The following CLK4 variants were observed in gnomAD, a reference collection of about 807,000 sequenced individuals.
CLK4 encodes the protein CDC like kinase 4, also known as dual specificity protein kinase CLK4.
CLK4 carries 37 observed loss-of-function variants against 64.4 expected under a neutral mutation model. The observed-to-expected ratio is 0.57, with a 90% CI of 0.44 to 0.76. CLK4 has a LOEUF of 0.76. CLK4 is among the 30% of genes least tolerant of loss of function. The pLI, the probability that CLK4 is intolerant of heterozygous loss-of-function variation, is 0.00. For missense variants in CLK4, 457 were observed against 605.1 expected, an observed-to-expected ratio of 0.76 and a Z score of 2.57; for synonymous variants, 175 against 191.6, an observed-to-expected ratio of 0.91 and a Z score of 0.72.
At chr5:178,618,466 A>G in intron 3 of CLK4, 90 bp downstream of exon 3, 1 of 383,924 alleles carries the variant, frequency 2.6e-6, no homozygotes, top group Non-Finnish European at 4.3e-6. Context: ...TATTTTATAT[A>G]TATATATATA....
chr5:178,605,683 T>A (rs1764457421), intron 10 of CLK4: 2 of 201,220 alleles, frequency 9.9e-6, no homozygotes, highest in Admixed American at 1.2e-4. Flanking sequence ...AACATGAATT[T>A]CAAAAAGGTT....
rs1428724643 is a variant in CLK4 at position 178,603,386 on chromosome 5, T to C, written c.*231A>G. On this transcript the variant is annotated 3_prime_UTR_variant, in exon 13 of 13. Transcript: ENST00000316308. ...GACACAAAGGATATTTCAAAGGTAT[T>C]TAAAAATGGTAATTTCAAAAAGAAA... The C allele has an allele frequency of 3.5e-6, 1 of 288,800 alleles. No homozygotes were observed. The highest frequency in any genetic ancestry group is 6.3e-6 in the Non-Finnish European group (1 of 157,898). 17.9% of individuals were successfully genotyped at this position (288,800 alleles called of 1,614,324 possible).
In CLK4 at chr5:178,612,900, A is replaced by G; in HGVS notation, c.827-10T>C. ...TTATTATGATGTAAAACTACAAGAG[A>G]ACAAAAGCACATTATTAGTTTCACT... On this transcript the variant is annotated splice_polypyrimidine_tract_variant and intron_variant, in intron 7 of 12. Transcript: ENST00000316308. 1 of 1,341,586 alleles carries G rather than the reference A, an allele frequency of 7.5e-7. No individual in the cohort carries two copies. Among genetic ancestry groups the G allele is most frequent in the Non-Finnish European group, 1.1e-6 (1 of 948,160 alleles). 83.1% of individuals were successfully genotyped at this position (1,341,586 alleles called of 1,614,324 possible).
intron 1 of CLK4, among the ~76,000 whole-genome samples, chr5:178,624,595 T>A (rs1027545370): frequency 1.3e-5 from 2 of 152,150 alleles, no homozygotes; most frequent in Non-Finnish European, 2.9e-5. Context: ...TCTCTCCCCA[T>A]CTTAATTATT....
intron 10 of CLK4, among the ~76,000 whole-genome samples, chr5:178,607,008 G>A (rs888101174): frequency 6.6e-6 from 1 of 151,436 alleles, no homozygotes; most frequent in African/African-American, 2.4e-5. Context: ...TACAACTTAA[G>A]GACAGAGTGG....
At chr5:178,613,870 G>T (rs764776885) in intron 5 of CLK4, 27 bp from the exon 6 acceptor site, 4 of 1,545,044 alleles carry the variant, frequency 2.6e-6, no homozygotes, top group Non-Finnish European at 3.6e-6. Context: ...AGATAAAAAT[G>T]ATAAATGTAC....
At chr5:178,626,784 C>A (rs1297283152) in intron 1 of CLK4, among the ~76,000 whole-genome samples, 162 bp downstream of exon 1, 1 of 152,234 alleles carries the variant, frequency 6.6e-6, no homozygotes, top group East Asian at 1.9e-4. Flanking sequence ...GCCCGAGCAA[C>A]TTTCGGTGCT....
chr5:178,622,914 T>G, intron 2 of CLK4: 1 of 256,058 alleles, frequency 3.9e-6, no homozygotes, highest in Admixed American at 5.8e-5. Flanking sequence ...AAGGTACTCA[T>G]TGGGCATTCT....
intron 3 of CLK4, chr5:178,618,031 G>C (rs970853032): frequency 6.6e-6 from 1 of 151,806 alleles, no homozygotes; most frequent in Non-Finnish European, 1.5e-5. Flanking sequence ...AAAAAAAAAG[G>C]GGGGGGCAGA....
In CLK4 at chr5:178,617,131, T is replaced by C; in HGVS notation, c.476-183A>G. 1.6e-6 allele frequency: 1 copy of C among 642,084 alleles called. No individual in the cohort carries two copies. Among genetic ancestry groups the C allele is most frequent in the Non-Finnish European group, 2.7e-6 (1 of 364,866 alleles). The allele number at this position is 642,084 out of a possible 1,614,324, so 39.8% of individuals were successfully genotyped here. On this transcript the variant is annotated intron_variant, in intron 4 of 12. Transcript: ENST00000316308. The surrounding 1 kb of genome is among the most constrained non-coding windows in gnomAD (Gnocchi z 5.2). ...AAACAATTAGATAGAGCTATCTTTC[T>C]TGCTCTAATCTCAAATTCCACTGAT...
chr5:178,622,918 G>A (rs1423824618), intron 2 of CLK4: 11 of 253,858 alleles, frequency 4.3e-5, no homozygotes, highest in Non-Finnish European at 6.8e-5. Flanking sequence ...TACTCATTGG[G>A]CATTCTATCA....
chr5:178,621,077 CAAAT>C (rs1200900103), intron 2 of CLK4, among the ~76,000 whole-genome samples: 3 of 152,098 alleles, frequency 2.0e-5, no homozygotes, highest in Non-Finnish European at 4.4e-5. Context: ...GGAATGTAGA[CAAAT>C]AAGTAAGCTG....
At chr5:178,619,905 G>C (rs758256362) in intron 2 of CLK4, 39 of 675,538 alleles carry the variant, frequency 5.8e-5, no homozygotes, top group Non-Finnish European at 8.2e-5. Flanking sequence ...CACTGAGGGA[G>C]AGAGGGGACA....
At chr5:178,622,177 G>A (rs927460901) in intron 2 of CLK4, 1 of 152,226 alleles carries the variant, frequency 6.6e-6, no homozygotes, top group African/African-American at 2.4e-5. Context: ...AAGCCTTAGG[G>A]TTTTTTGTAT....
At position 178,617,266 on chromosome 5, in the gene CLK4, A is replaced by T; in HGVS notation, c.475+78T>A. On this transcript the variant is annotated intron_variant, in intron 4 of 12. Transcript: ENST00000316308. The surrounding 1 kb of genome is among the most constrained non-coding windows in gnomAD (Gnocchi z 5.2). Reference sequence around the variant, plus strand: ...ATAAAAAAGCAATGAAGAGTTCTTTAGCCCCCCGCTGACAAACTATTCTTA... The same window carrying T: ...ATAAAAAAGCAATGAAGAGTTCTTTTGCCCCCCGCTGACAAACTATTCTTA... 1 of 1,138,814 alleles carries T rather than the reference A, an allele frequency of 8.8e-7. No homozygotes were observed. The highest frequency in any genetic ancestry group is 1.3e-6 in the Non-Finnish European group (1 of 754,388). The allele number at this position is 1,138,814 out of a possible 1,614,324, so 70.5% of individuals were successfully genotyped here.
chr5:178,615,603 G>A (rs1191788419), intron 5 of CLK4, among the ~76,000 whole-genome samples: 1 of 152,214 alleles, frequency 6.6e-6, no homozygotes, highest in Non-Finnish European at 1.5e-5. Context: ...GTTTATGGAT[G>A]ATGGTAGGTA....
At chr5:178,610,159 G>A (rs980662812) in intron 9 of CLK4, among the ~76,000 whole-genome samples, 23 of 151,454 alleles carry the variant, frequency 1.5e-4, no homozygotes, top group Admixed American at 7.2e-4. Context: ...GCGTGGTGGC[G>A]GGCACCTGTA....
chr5:178,603,753 A>T lies in CLK4; in HGVS notation c.1310T>A (p.Phe437Tyr). ...ATGTTCTTCATCATGACAAAGCATA[A>T]ATTCCTGGGGGAGAAATGTTTTTGT... ...VRRRCKPLKE[F>Y]MLCHDEEHEK... Residue 437 changes from phenylalanine to tyrosine, a missense_variant, in exon 13 of 13, where the codon TTT becomes TAT. Transcript: ENST00000316308. The T allele has an allele frequency of 6.3e-7, 1 of 1,585,536 alleles. No homozygotes were observed. The highest frequency in any genetic ancestry group is 1.2e-5 in the South Asian group (1 of 85,488).
At chr5:178,624,087 A>C (rs1162584334) in intron 1 of CLK4, among the ~76,000 whole-genome samples, 2 of 152,236 alleles carry the variant, frequency 1.3e-5, no homozygotes, top group Non-Finnish European at 1.5e-5. Context: ...CAAATTCTCC[A>C]TAGTTCTTTT....
Sources: gnomAD v4.1 joint callset for allele counts (sites outside exome capture counted in the v4.1 genomes callset) on GRCh38, gnomAD v4.1.1 for gene constraint, Gnocchi (gnomAD v3.1) non-coding constraint, MANE v1.5 for transcripts, NCBI Gene and HGNC (gene_info 2026-07-23, HGNC 2026-07-21) for gene names.